The following FAM185A variants were observed in gnomAD, a reference collection of about 807,000 sequenced individuals.
The protein encoded by FAM185A is family with sequence similarity 185 member A.
FAM185A carries 21 observed loss-of-function variants against 45.7 expected under a neutral mutation model. The ratio of observed to expected loss-of-function variants is 0.46; its 90% CI spans 0.33 to 0.66. The LOEUF (loss-of-function observed/expected upper bound fraction) is 0.66. FAM185A is among the 30% of genes least tolerant of loss of function. The probability of loss-of-function intolerance (pLI) is 0.03; values close to 1 mark genes in which losing one functional copy is unlikely to be tolerated. For missense variants in FAM185A, 305 were observed against 485.4 expected, an observed-to-expected ratio of 0.63 and a Z score of 3.49; for synonymous variants, 117 against 194.0, an observed-to-expected ratio of 0.60 and a Z score of 3.30.
At chr7:102,809,359 A>G (rs948020325), downstream of FAM185A, 14 of 152,182 alleles carry the variant, frequency 9.2e-5, no homozygotes, top group Non-Finnish European at 1.6e-4. Flanking sequence ...TATTTTATGA[A>G]TTCCATTTCT....
chr7:102,833,822 A>C, the FAM185A span, among the ~76,000 whole-genome samples: 1 of 151,980 alleles, frequency 6.6e-6, no homozygotes, highest in African/African-American at 2.4e-5. Flanking sequence ...AAAGGCCTGG[A>C]AATCATTCCC....
intron 4 of FAM185A, among the ~76,000 whole-genome samples, chr7:102,771,064 T>C (rs1488692354): frequency 2.0e-5 from 3 of 152,146 alleles, no homozygotes; most frequent in Non-Finnish European, 4.4e-5. Flanking sequence ...TGCAGCAGCA[T>C]GGATGCAGTT....
rs1170923177 is a variant in FAM185A at position 102,749,492 on chromosome 7, C to T, written c.285C>T (p.Tyr95=). 1.1e-5 allele frequency: 17 copies of T among 1,534,096 alleles called. No individual in the cohort carries two copies. The highest frequency in any genetic ancestry group is 8.3e-5 in the African/African-American group (6 of 72,584). The part of the protein sequence containing the change: ...LAVRPLDPLT[Y]PDGDRVLVAV... Reference sequence around the variant, plus strand: ...TGAGGCCCCTGGACCCCCTCACCTACCCGGATGGCGACCGCGTGCTGGTCG... The same window carrying T: ...TGAGGCCCCTGGACCCCCTCACCTATCCGGATGGCGACCGCGTGCTGGTCG... The change falls in exon 1 of 8, where the codon TAC becomes TAT. Residue 95 remains tyrosine, a synonymous_variant. Coordinates refer to ENST00000413034, the MANE Select transcript of FAM185A (RefSeq NM_001145268.2).
In FAM185A at chr7:102,782,943, G is replaced by C. The variant is rs1425749586; in HGVS notation, c.932-4392G>C. Among the ~76,000 whole-genome samples, 25 of 151,014 alleles carry C rather than the reference G, an allele frequency of 1.7e-4. No individual in the cohort carries two copies. In the South Asian group the frequency reaches 4.9e-3, roughly 30 times the overall value. Reference sequence around the variant, plus strand: ...GAGACACACATAGGCTCAAAATAAAGGATGGAGGAAGATCTACCAAGCAAA... The same window carrying C: ...GAGACACACATAGGCTCAAAATAAACGATGGAGGAAGATCTACCAAGCAAA... On this transcript the variant is annotated intron_variant, in intron 6 of 7. Coordinates refer to ENST00000413034, the MANE Select transcript of FAM185A (RefSeq NM_001145268.2).
intron 6 of FAM185A, among the ~76,000 whole-genome samples, chr7:102,783,959 A>T (rs1351468796): frequency 1.3e-5 from 2 of 152,242 alleles, no homozygotes; most frequent in Non-Finnish European, 2.9e-5. Flanking sequence ...AGAAGAAAAG[A>T]GAGAAGAATC....
At chr7:102,750,570 GTTA>G (rs1327805581) in intron 1 of FAM185A, among the ~76,000 whole-genome samples, 1 of 151,898 alleles carries the variant, frequency 6.6e-6, no homozygotes, top group African/African-American at 2.4e-5. Context: ...TGCTGTATTT[GTTA>G]TTATTGTTCA....
At chr7:102,850,322 CCTT>C in the FAM185A span, among the ~76,000 whole-genome samples, 2 of 152,066 alleles carry the variant, frequency 1.3e-5, no homozygotes, top group African/African-American at 2.4e-5. Context: ...GGCCAATACT[CCTT>C]CATCCCAAGG....
At chr7:102,830,207 C>A in the FAM185A span, among the ~76,000 whole-genome samples, 30 of 152,260 alleles carry the variant, frequency 2.0e-4, no homozygotes, top group Middle Eastern at 3.4e-3. Context: ...AAACAAAAAA[C>A]CAAAGCAAAC....
At chr7:102,759,974 A>C (rs1013624478) in intron 3 of FAM185A, among the ~76,000 whole-genome samples, 2 of 152,058 alleles carry the variant, frequency 1.3e-5, no homozygotes, top group Non-Finnish European at 2.9e-5. Flanking sequence ...TCCACTTAAC[A>C]AGGTTGTGAG....
chr7:102,753,115 T>C (rs1793472540), intron 2 of FAM185A, among the ~76,000 whole-genome samples: 1 of 152,226 alleles, frequency 6.6e-6, no homozygotes, highest in Non-Finnish European at 1.5e-5. Context: ...GCAAAATAAG[T>C]TGGTTCAGAT....
chr7:102,784,730 T>G (rs1795665050), intron 6 of FAM185A, among the ~76,000 whole-genome samples: 5 of 152,226 alleles, frequency 3.3e-5, no homozygotes, highest in Non-Finnish European at 7.3e-5. Context: ...AATATCATAC[T>G]GAATGGGCAA....
At chr7:102,761,443 C>T in intron 4 of FAM185A, 32 bp downstream of exon 4, 1 of 1,425,706 alleles carries the variant, frequency 7.0e-7, no homozygotes, top group Non-Finnish European at 9.2e-7. Context: ...ACATCTGAGA[C>T]TTTCCACATA....
chr7:102,786,929 G>A (rs1336355754), intron 6 of FAM185A, among the ~76,000 whole-genome samples: 1 of 151,988 alleles, frequency 6.6e-6, no homozygotes, highest in Non-Finnish European at 1.5e-5. Flanking sequence ...TAAAATCAGG[G>A]CAATAATAAT....
chr7:102,835,884 C>T, the FAM185A span, among the ~76,000 whole-genome samples: 1 of 152,134 alleles, frequency 6.6e-6, no homozygotes, highest in Non-Finnish European at 1.5e-5. Context: ...GCTGGGATTA[C>T]AGGCGTGAGC....
downstream of FAM185A, among the ~76,000 whole-genome samples, chr7:102,811,238 T>C (rs6967790): frequency 0.093 from 14,088 of 152,284 alleles, 816 homozygotes; most frequent in Non-Finnish European, 0.12. Flanking sequence ...AATGGAATTG[T>C]ACATATTTGG....
chr7:102,839,376 A>T, the FAM185A span, among the ~76,000 whole-genome samples: 1 of 152,356 alleles, frequency 6.6e-6, no homozygotes, highest in Non-Finnish European at 1.5e-5. Flanking sequence ...GGTCCTTGGT[A>T]TGCTGAGCGC....
downstream of FAM185A, among the ~76,000 whole-genome samples, chr7:102,809,717 A>G (rs1293853719): frequency 1.3e-5 from 2 of 152,170 alleles, no homozygotes. Flanking sequence ...AATTAATTAA[A>G]ATAAACAAAT....
the FAM185A span, among the ~76,000 whole-genome samples, chr7:102,835,852 G>A: frequency 2.0e-5 from 3 of 151,720 alleles, no homozygotes; most frequent in South Asian, 2.1e-4. Flanking sequence ...CTCGTGATCC[G>A]CCCGCCTCGG....
chr7:102,777,121 T>G, intron 5 of FAM185A, 132 bp from the exon 6 acceptor site: 2 of 852,108 alleles, frequency 2.3e-6, no homozygotes, highest in East Asian at 5.6e-5. Context: ...GGCATTGTTA[T>G]GAGGAAAATA....
Sources: allele counts gnomAD v4.1 joint callset (sites outside exome capture counted in the v4.1 genomes callset), GRCh38; gene constraint gnomAD v4.1.1; transcripts MANE v1.5; gene names NCBI Gene and HGNC (gene_info 2026-07-23, HGNC 2026-07-21).